Variants in INSC observed in about 807,000 individuals in gnomAD.
The protein encoded by INSC is protein inscuteable homolog.
Under a neutral mutation model 58.6 loss-of-function variants are expected in INSC, and 67 were observed. The ratio of observed to expected loss-of-function variants is 1.14; its 90% confidence interval spans 0.94 to 1.40. The LOEUF is 1.40. Ranked by LOEUF, INSC falls within the 40% of genes most tolerant of loss-of-function variation. INSC has a pLI of 0.00. For synonymous variants in INSC, 262 were observed against 276.1 expected, an observed-to-expected ratio of 0.95 and a Z score of 0.51; for missense variants, 714 against 692.0, an observed-to-expected ratio of 1.03 and a Z score of -0.36.
chr11:15,210,519 G>GTGTGTA (rs1398158796), intron 7 of INSC, among the ~76,000 whole-genome samples: 1 of 150,376 alleles, frequency 6.6e-6, no homozygotes, highest in African/African-American at 2.5e-5. Context: ...GTGTGTGTGT[G>GTGTGTA]TGTGTGTGTG....
At chr11:15,267,840 G>A in the INSC span, among the ~76,000 whole-genome samples, 1 of 151,908 alleles carries the variant, frequency 6.6e-6, no homozygotes, top group African/African-American at 2.4e-5. Flanking sequence ...TGCTTTAGGG[G>A]TACTAGATAT....
At chr11:15,159,270 A>G (rs79826785) in intron 2 of INSC, among the ~76,000 whole-genome samples, 3,906 of 152,228 alleles carry the variant, frequency 0.026, 160 homozygotes, top group African/African-American at 0.089. Flanking sequence ...AGCCTTGTAG[A>G]TGGTGGAGAG....
intron 2 of INSC, among the ~76,000 whole-genome samples, chr11:15,168,754 C>T (rs1053844496): frequency 6.6e-6 from 1 of 152,140 alleles, no homozygotes; most frequent in African/African-American, 2.4e-5. Flanking sequence ...AGTCAGGATA[C>T]TGGTTATCCT....
At chr11:15,190,460 A>G (rs1850121038) in intron 5 of INSC, among the ~76,000 whole-genome samples, 2 of 152,254 alleles carry the variant, frequency 1.3e-5, no homozygotes, top group African/African-American at 4.8e-5. Flanking sequence ...AAGGCTAGTT[A>G]TGGCCTATGT....
chr11:15,211,389 C>T (rs1220454744), intron 7 of INSC, among the ~76,000 whole-genome samples: 1 of 152,196 alleles, frequency 6.6e-6, no homozygotes, highest in Non-Finnish European at 1.5e-5. Flanking sequence ...TTTTAAAACA[C>T]TGGGTTGTTT....
In INSC at chr11:15,247,170, T is replaced by A. The variant is rs900242195; in HGVS notation, c.*1130T>A. 6.6e-6 allele frequency: 1 copy of A among 152,166 alleles called. No individual in the cohort carries two copies. The highest frequency in any genetic ancestry group is 1.5e-5 in the Non-Finnish European group (1 of 68,036). The allele number at this position is 152,166 out of a possible 1,614,324, so 9.4% of individuals were successfully genotyped here. On this transcript the variant is annotated 3_prime_UTR_variant, in exon 13 of 13. Transcript: ENST00000379556. ...ATAATATAATTGTGTAAAATCATGA[T>A]TATAATAATGTTTCAATAAACATTT...
At chr11:15,204,798 C>T (rs1165578811) in intron 7 of INSC, among the ~76,000 whole-genome samples, 6 of 152,190 alleles carry the variant, frequency 3.9e-5, no homozygotes, top group Non-Finnish European at 5.9e-5. Flanking sequence ...CACTGAGGTT[C>T]GCTTAATTAA....
intron 2 of INSC, among the ~76,000 whole-genome samples, chr11:15,164,007 C>T (rs906963663): frequency 4.6e-5 from 7 of 151,888 alleles, no homozygotes; most frequent in African/African-American, 1.7e-4. Context: ...AATGACTTTC[C>T]CCTCTTTATT....
upstream of INSC, chr11:15,112,591 A>AGTGTGTGTGTGTGTGT (rs375142839): frequency 8.2e-6 from 3 of 367,236 alleles, no homozygotes; most frequent in Non-Finnish European, 1.3e-5. Context: ...GGTGGATGTG[A>AGTGTGTGTGTGTGTGT]GTGTGTGTGT....
chr11:15,143,285 G>A (rs191947807), intron 1 of INSC, among the ~76,000 whole-genome samples: 1 of 152,302 alleles, frequency 6.6e-6, no homozygotes, highest in East Asian at 1.9e-4. Flanking sequence ...TATAATGAAG[G>A]ACATGACTGA....
intron 4 of INSC, among the ~76,000 whole-genome samples, chr11:15,177,615 C>A (rs140392549): frequency 6.6e-6 from 1 of 152,232 alleles, no homozygotes; most frequent in East Asian, 1.9e-4. Context: ...ACATTCACAC[C>A]CTTTCCTCCA....
chr11:15,241,639 A>G (rs975488898), intron 12 of INSC: 6 of 702,858 alleles, frequency 8.5e-6, no homozygotes, highest in African/African-American at 1.7e-5. Flanking sequence ...ATTTTGGCAC[A>G]TTCAAGGTAA....
chr11:15,254,013 G>A, the INSC span, among the ~76,000 whole-genome samples: 75,052 of 151,990 alleles, frequency 0.49, 19,456 homozygotes, highest in East Asian at 0.74. Context: ...TTTGAAATTC[G>A]CCTCAAAGTA....
chr11:15,178,281 C>T (rs1475048762), intron 4 of INSC, 43 bp from the exon 5 acceptor site: 6 of 1,611,110 alleles, frequency 3.7e-6, no homozygotes, highest in Non-Finnish European at 5.1e-6. Flanking sequence ...GGGCTGACCA[C>T]ATGCCCTTTC....
intron 2 of INSC, among the ~76,000 whole-genome samples, chr11:15,154,720 G>A (rs1350743160): frequency 6.6e-6 from 1 of 152,174 alleles, no homozygotes; most frequent in Non-Finnish European, 1.5e-5. Context: ...ATCTGAGGAT[G>A]AGGAGGTAGA....
Position 15,221,632 on chromosome 11 carries a change from C to T in INSC, c.975C>T (p.Ile325=), listed in dbSNP as rs564607638. The part of the protein sequence containing the change: ...LSSFLESMEE[I]VTALVKLCQE... The stretch of plus-strand genomic sequence containing the variant: ...GCTTCCTGGAGAGCATGGAGGAGAT[C>T]GTGACAGCCCTCGTCAGTGAGTCAC... The change falls in exon 8 of 13, where the codon ATC becomes ATT. Residue 325 remains isoleucine, a synonymous_variant. Coordinates refer to ENST00000379556, the MANE Select transcript of INSC (RefSeq NM_001042536.3). 25 of 1,611,968 alleles carry T rather than the reference C, an allele frequency of 1.6e-5. No individual in the cohort carries two copies. Among genetic ancestry groups the T allele is most frequent in the East Asian group, 6.7e-5 (3 of 44,786 alleles).
At chr11:15,146,283 C>G (rs2133739121) in intron 1 of INSC, among the ~76,000 whole-genome samples, 1 of 152,306 alleles carries the variant, frequency 6.6e-6, no homozygotes, top group Middle Eastern at 3.4e-3. Context: ...ATTCACAACC[C>G]AGACTCTTGA....
At chr11:15,234,813 T>G (rs1283242301) in intron 9 of INSC, among the ~76,000 whole-genome samples, 1 of 152,196 alleles carries the variant, frequency 6.6e-6, no homozygotes, top group Non-Finnish European at 1.5e-5. Flanking sequence ...CTTTTGCAGT[T>G]TGGGGTCCCT....
chr11:15,255,326 T>C, the INSC span, among the ~76,000 whole-genome samples: 15 of 152,274 alleles, frequency 9.9e-5, no homozygotes, highest in South Asian at 2.1e-4. Context: ...ATTTCAGTCA[T>C]AGATATGAAA....
Sources: gnomAD v4.1 joint callset for allele counts (sites outside exome capture counted in the v4.1 genomes callset) on GRCh38, gnomAD v4.1.1 for gene constraint, MANE v1.5 for transcripts, NCBI Gene and HGNC (gene_info 2026-07-23, HGNC 2026-07-21) for gene names.